The following PTPRM variants were observed in gnomAD, a reference collection of about 807,000 sequenced individuals.
The protein encoded by PTPRM is receptor-type tyrosine-protein phosphatase mu.
PTPRM carries 47 observed loss-of-function variants against 186.7 expected under a neutral mutation model. The observed-to-expected ratio is 0.25, with a 90% confidence interval of 0.20 to 0.32. The LOEUF (loss-of-function observed/expected upper bound fraction) is 0.32. Ranked by LOEUF, PTPRM falls within the 10% of genes least tolerant of loss-of-function variation. The probability of loss-of-function intolerance (pLI) is 1.00; values close to 1 mark genes in which losing one functional copy is unlikely to be tolerated. For synonymous variants in PTPRM, 668 were observed against 674.9 expected, an observed-to-expected ratio of 0.99 and a Z score of 0.16; for missense variants, 1,494 against 1,865.0, an observed-to-expected ratio of 0.80 and a Z score of 3.66.
intron 2 of PTPRM, chr18:7,814,676 G>A (rs190384262): frequency 5.1e-4 from 78 of 152,316 alleles, no homozygotes; most frequent in African/African-American, 1.7e-3. Context: ...AGAAACTGGG[G>A]AGTGGCCCCA....
At chr18:7,795,294 C>T (rs1186951338) in intron 2 of PTPRM, among the ~76,000 whole-genome samples, 2 of 152,132 alleles carry the variant, frequency 1.3e-5, no homozygotes, top group Non-Finnish European at 2.9e-5. Flanking sequence ...GTTCATCAGC[C>T]TTTCAGCTGT....
intron 19 of PTPRM, among the ~76,000 whole-genome samples, chr18:8,257,230 C>T (rs1260826808): frequency 2.0e-5 from 3 of 152,112 alleles, no homozygotes; most frequent in African/African-American, 7.2e-5. Context: ...TCCAGGTAGA[C>T]CCAAAAGCAG....
intron 7 of PTPRM, among the ~76,000 whole-genome samples, chr18:8,045,041 AT>A (rs2086948330): frequency 6.6e-6 from 1 of 152,150 alleles, no homozygotes; most frequent in African/African-American, 2.4e-5. Flanking sequence ...GTGAAAACAT[AT>A]GTCCACACAA....
At chr18:8,332,919 G>T (rs143983062) in intron 22 of PTPRM, among the ~76,000 whole-genome samples, 1 of 152,312 alleles carries the variant, frequency 6.6e-6, no homozygotes, top group East Asian at 1.9e-4. Flanking sequence ...TGAAATTCCA[G>T]TGGACCAGTG....
In PTPRM at chr18:7,596,212, CG is replaced by C. The variant is rs1236321881; in HGVS notation, c.73+28323del. 2.0e-5 allele frequency among the ~76,000 whole-genome samples: 3 copies of C among 152,196 alleles called. No individual in the cohort carries two copies. In the East Asian group the frequency reaches 5.8e-4, roughly 29 times the overall value. ...CATACGGTGACAGTTGACCAGAGAA[CG>C]GAGTCAGCTACTAAGTGACCACTGG... is the stretch of plus-strand genomic sequence containing the variant. On this transcript the variant is annotated intron_variant, in intron 1 of 32. Coordinates refer to ENST00000580170, the MANE Select transcript of PTPRM (RefSeq NM_001105244.2).
intron 7 of PTPRM, among the ~76,000 whole-genome samples, chr18:8,034,416 G>A (rs1289668696): frequency 6.6e-6 from 1 of 152,158 alleles, no homozygotes; most frequent in Non-Finnish European, 1.5e-5. Flanking sequence ...GCCTCTGGGT[G>A]TGATCCATCT....
rs998580903 is a variant in PTPRM at position 7,917,076 on chromosome 18, A to G, written c.548-9492A>G. On this transcript the variant is annotated intron_variant, in intron 4 of 32. Coordinates refer to ENST00000580170, the MANE Select transcript of PTPRM (RefSeq NM_001105244.2). Reference sequence around the variant, plus strand: ...TGGCTTTTATCACTTAACATCATGTATGTACTCTAGGCACATCCATGCTGC... The same window carrying G: ...TGGCTTTTATCACTTAACATCATGTGTGTACTCTAGGCACATCCATGCTGC... Among the ~76,000 whole-genome samples, 12 of 152,178 alleles carry G rather than the reference A, an allele frequency of 7.9e-5. No homozygotes were observed. The South Asian group carries it at 8.3e-4, about 11-fold the overall frequency.
At chr18:8,102,461 C>G (rs1230643246) in intron 11 of PTPRM, among the ~76,000 whole-genome samples, 1 of 152,194 alleles carries the variant, frequency 6.6e-6, no homozygotes, top group Non-Finnish European at 1.5e-5. Context: ...CATTTGTTGT[C>G]ATTTCAACAG....
At chr18:7,661,612 G>T (rs2038982455) in intron 1 of PTPRM, among the ~76,000 whole-genome samples, 1 of 152,216 alleles carries the variant, frequency 6.6e-6, no homozygotes. Context: ...TGAAGTCATG[G>T]ATAAAAACCA....
At chr18:8,401,708 G>A (rs963534182) in intron 32 of PTPRM, among the ~76,000 whole-genome samples, 3 of 152,248 alleles carry the variant, frequency 2.0e-5, no homozygotes, top group Non-Finnish European at 4.4e-5. Context: ...CAAGGCTCGG[G>A]CCCCTGACGG....
intron 23 of PTPRM, among the ~76,000 whole-genome samples, chr18:8,344,444 G>A (rs1278347095): frequency 2.3e-5 from 3 of 129,532 alleles, no homozygotes; most frequent in African/African-American, 6.6e-5. Context: ...GTGTGTGTGT[G>A]TGTGTATATA....
At chr18:8,240,812 GAGAGAGAGAGAGAGAA>G (rs1311565193) in intron 14 of PTPRM, among the ~76,000 whole-genome samples, 4,611 of 54,060 alleles carry the variant, frequency 0.085, 242 homozygotes, top group African/African-American at 0.24. Context: ...GAGAGAGAGA[GAGAGAGAGAGAGAGAA>G]AGAAAGAAAG....
chr18:8,372,413 G>A (rs1321258576), intron 24 of PTPRM, among the ~76,000 whole-genome samples: 2 of 152,122 alleles, frequency 1.3e-5, no homozygotes, highest in Non-Finnish European at 2.9e-5. Context: ...GCGCTTTTTA[G>A]ATGAACAAGA....
chr18:7,951,002 C>A (rs559928258), intron 6 of PTPRM, among the ~76,000 whole-genome samples: 1 of 152,160 alleles, frequency 6.6e-6, no homozygotes, highest in African/African-American at 2.4e-5. Flanking sequence ...CCTCGAGAAT[C>A]GTCTGCAGCA....
chr18:8,050,243 C>G (rs903830158), intron 7 of PTPRM, among the ~76,000 whole-genome samples: 20 of 152,148 alleles, frequency 1.3e-4, no homozygotes, highest in African/African-American at 4.8e-4. Context: ...GTTCTGTGAT[C>G]TCTTTGATAG....
chr18:7,840,067 G>C (rs944467051), intron 2 of PTPRM, among the ~76,000 whole-genome samples: 1 of 145,198 alleles, frequency 6.9e-6, no homozygotes, highest in African/African-American at 2.5e-5. Context: ...TATGGGGTGG[G>C]GTGGGGGGTG....
chr18:7,713,795 G>A (rs1272242944), intron 1 of PTPRM, among the ~76,000 whole-genome samples: 1 of 151,908 alleles, frequency 6.6e-6, no homozygotes, highest in Non-Finnish European at 1.5e-5. Context: ...TTACATAATG[G>A]TAAAGGTATC....
intron 1 of PTPRM, among the ~76,000 whole-genome samples, chr18:7,657,435 G>A (rs1334922204): frequency 1.3e-5 from 2 of 152,204 alleles, no homozygotes; most frequent in Non-Finnish European, 2.9e-5. Context: ...CACCTTGCCC[G>A]AGCAGTTGGT....
intron 7 of PTPRM, among the ~76,000 whole-genome samples, chr18:8,019,897 T>C (rs1469060035): frequency 1.3e-5 from 2 of 151,228 alleles, no homozygotes; most frequent in Admixed American, 1.3e-4. Context: ...TGGGTTCTCA[T>C]GCATTAAATC....
Sources: allele counts gnomAD v4.1 joint callset (sites outside exome capture counted in the v4.1 genomes callset), GRCh38; gene constraint gnomAD v4.1.1; transcripts MANE v1.5; gene names NCBI Gene and HGNC (gene_info 2026-07-23, HGNC 2026-07-21).